Variants in CANX observed in about 807,000 individuals in gnomAD.
CANX encodes epididymis secretory sperm binding protein.
In CANX, 14 loss-of-function variants were observed where a neutral mutation model predicts 75.7. The ratio of observed to expected loss-of-function variants is 0.19; its 90% CI spans 0.12 to 0.29. CANX has a LOEUF of 0.29. Among genes scored for constraint, CANX ranks in the 10% least tolerant of loss-of-function variants. CANX has a pLI of 1.00. For missense variants in CANX, 567 were observed against 713.2 expected, an observed-to-expected ratio of 0.79 and a Z score of 2.34; for synonymous variants, 227 against 236.9, an observed-to-expected ratio of 0.96 and a Z score of 0.38.
chr5:179,716,212 G>A lies in CANX; in HGVS notation c.829G>A (p.Glu277Lys). The A allele has an allele frequency of 1.2e-6, 2 of 1,614,040 alleles. No individual in the cohort carries two copies. The highest frequency in any genetic ancestry group is 1.7e-6 in the Non-Finnish European group (2 of 1,179,892). The change falls in exon 8 of 15, where the codon GAG becomes AAG. Residue 277 changes from glutamate (E) to lysine (K), a missense_variant. By Grantham distance (56) the Glu-to-Lys change is moderately conservative. Transcript: ENST00000247461. Reference protein sequence around the residue: ...TPPVNPSREIEDPEDRKPEDW... With the variant: ...TPPVNPSREIKDPEDRKPEDW... ...TCCTGTAAATCCTTCACGTGAAATT[G>A]AGGACCCAGAAGACCGGAAGCCCGA... is the stretch of plus-strand genomic sequence containing the variant.
At chr5:179,698,193 T>C (rs1776474514), upstream of CANX, among the ~76,000 whole-genome samples, 1 of 152,220 alleles carries the variant, frequency 6.6e-6, no homozygotes, top group Admixed American at 6.5e-5. Context: ...TGGTGGCGTA[T>C]CTTAAATCTT....
chr5:179,679,059 A>G, intron 1 of CANX: 1 of 1,534,860 alleles, frequency 6.5e-7, no homozygotes, highest in Non-Finnish European at 8.7e-7. Flanking sequence ...AAGGGCCGCG[A>G]GATGTGATCG....
At chr5:179,699,228 G>T in intron 1 of CANX, 126 bp downstream of exon 1, 1 of 514,350 alleles carries the variant, frequency 1.9e-6, no homozygotes, top group South Asian at 8.1e-5. Flanking sequence ...TGAGGGCCCA[G>T]GCCCTGGCCG....
chr5:179,714,130 T>G (rs899964940), intron 7 of CANX, among the ~76,000 whole-genome samples: 12 of 151,542 alleles, frequency 7.9e-5, no homozygotes, highest in East Asian at 7.9e-4. Context: ...TCCTGAATAG[T>G]TGGGACTATA....
chr5:179,709,286 C>T (rs1461110700), intron 6 of CANX, among the ~76,000 whole-genome samples: 9 of 152,096 alleles, frequency 5.9e-5, no homozygotes, highest in East Asian at 5.8e-4. Context: ...TGGTGGCAGG[C>T]GCCTGTAGTC....
At position 179,716,264 on chromosome 5, in the gene CANX, C is replaced by T. The variant is rs1377855011; in HGVS notation, c.881C>T (p.Pro294Leu). Residue 294 changes from proline (P) to leucine (L), a missense_variant, in exon 8 of 15, where the codon CCA (proline) becomes CTA (leucine). By Grantham distance (98) the Pro-to-Leu change is moderately conservative. This residue lies in a region of CANX where 351 missense variants were observed against 433.8 expected (regional missense o/e 0.81). Transcript: ENST00000247461. Reference sequence around the variant, plus strand: ...GATTGGGATGAAAGACCAAAAATCCCAGATCCAGAAGCTGTCAAGCCAGAT... The same window carrying T: ...GATTGGGATGAAAGACCAAAAATCCTAGATCCAGAAGCTGTCAAGCCAGAT... Reference protein sequence around the residue: ...PEDWDERPKIPDPEAVKPDDW... With the variant: ...PEDWDERPKILDPEAVKPDDW... 4.3e-6 allele frequency: 7 copies of T among 1,614,096 alleles called. No homozygotes were observed. The highest frequency in any genetic ancestry group is 3.3e-5 in the Admixed American group (2 of 60,006).
chr5:179,705,580 G>A (rs1344349569), intron 1 of CANX, 99 bp from the exon 2 acceptor site: 3 of 862,544 alleles, frequency 3.5e-6, no homozygotes, highest in East Asian at 2.5e-5. Flanking sequence ...TTAGCTCTGC[G>A]ATTTAAAAGC....
At chr5:179,703,414 C>A (rs1776904890) in intron 1 of CANX, among the ~76,000 whole-genome samples, 1 of 151,990 alleles carries the variant, frequency 6.6e-6, no homozygotes, top group African/African-American at 2.4e-5. Flanking sequence ...AACGGAGTTT[C>A]ATCATGTTTC....
At chr5:179,684,942 T>C (rs1370028442) in intron 1 of CANX, among the ~76,000 whole-genome samples, 1 of 139,178 alleles carries the variant, frequency 7.2e-6, no homozygotes, top group African/African-American at 2.7e-5. Flanking sequence ...TTTTTTTTTT[T>C]TTTTTTTTTT....
chr5:179,708,933 C>G, intron 5 of CANX, 45 bp from the exon 6 acceptor site: 1 of 991,588 alleles, frequency 1.0e-6, no homozygotes, highest in Non-Finnish European at 1.6e-6. Context: ...GAGTTTCGAT[C>G]TTTCAAAATG....
rs565525960 is a variant in CANX at position 179,705,962 on chromosome 5, G to A, written c.171+110G>A. On this transcript the variant is annotated intron_variant, in intron 2 of 14. Coordinates refer to ENST00000247461, the MANE Select transcript of CANX (RefSeq NM_001746.4). ...TCAACTACTCAGGAGGCCTAGGACAGGAGTGTGAGTCCAGCCTTGGCAACA... is the reference window on the plus strand; with the variant it reads ...TCAACTACTCAGGAGGCCTAGGACAAGAGTGTGAGTCCAGCCTTGGCAACA... 3.0e-4 allele frequency: 241 copies of A among 803,746 alleles called. No homozygotes were observed. In the African/African-American group the frequency reaches 3.7e-3, roughly 12 times the overall value. The allele number at this position is 803,746 out of a possible 1,614,324, so 49.8% of individuals were successfully genotyped here.
At chr5:179,690,629 C>T (rs1235578828) in intron 1 of CANX, among the ~76,000 whole-genome samples, 1 of 148,854 alleles carries the variant, frequency 6.7e-6, no homozygotes, top group Non-Finnish European at 1.5e-5. Context: ...CAGTGGCTCA[C>T]GCCTGTAATC....
intron 1 of CANX, chr5:179,680,933 G>T: frequency 6.5e-7 from 1 of 1,535,750 alleles, no homozygotes; most frequent in Non-Finnish European, 8.7e-7. Context: ...GCCCACCCTT[G>T]AGATTGTATC....
intron 1 of CANX, chr5:179,679,384 T>A: frequency 1.2e-6 from 1 of 869,138 alleles, no homozygotes; most frequent in Non-Finnish European, 1.7e-6. Flanking sequence ...CACCAGCTGC[T>A]GGCCACCGAG....
rs1562518010 is a variant in CANX at position 179,724,847 on chromosome 5, C to T, written c.1645+64C>T. 4 of 1,533,820 alleles carry T rather than the reference C, an allele frequency of 2.6e-6. No homozygotes were observed. The South Asian group carries it at 3.6e-5, about 14-fold the overall frequency. On this transcript the variant is annotated intron_variant, in intron 13 of 14. Coordinates refer to ENST00000247461, the MANE Select transcript of CANX (RefSeq NM_001746.4). ...ACCCTACGATGTTGTTAAACCTTTA[C>T]AGTCAAGTTAAGGATTGTTTTTAGC...
intron 8 of CANX, among the ~76,000 whole-genome samples, chr5:179,716,864 A>C (rs1444755729): frequency 6.6e-6 from 1 of 152,200 alleles, no homozygotes; most frequent in African/African-American, 2.4e-5. Context: ...GGAGCAAGGC[A>C]AATCAGATTG....
At position 179,710,062 on chromosome 5, in the gene CANX, C is replaced by G; in HGVS notation, c.718C>G (p.Leu240Val). Residue 240 changes from leucine to valine, a missense_variant, in exon 7 of 15, where the codon CTA becomes GTA. By Grantham distance (32) the Leu-to-Val change is conservative. Coordinates refer to ENST00000247461, the MANE Select transcript of CANX (RefSeq NM_001746.4). ...TGATAAGAAAACACATCTTTACACA[C>G]TAAGTAAGAAAAAGCATTAGTTTGG... ...FTDKKTHLYT[L>V]ILNPDNSFEI... is the part of the protein sequence containing the mutation. 1 of 1,555,198 alleles carries G rather than the reference C, an allele frequency of 6.4e-7. No individual in the cohort carries two copies. Among genetic ancestry groups the G allele is most frequent in the Non-Finnish European group, 8.8e-7 (1 of 1,135,526 alleles).
chr5:179,710,066 G>T lies in CANX; in HGVS notation c.721+1G>T, dbSNP rs1777427999. ...AAGAAAACACATCTTTACACACTAA[G>T]TAAGAAAAAGCATTAGTTTGGGGGC... On this transcript the variant is annotated splice_donor_variant, in intron 7 of 14. Transcript: ENST00000247461. LOFTEE classifies it high-confidence loss of function. 6.5e-7 allele frequency: 1 copy of T among 1,534,878 alleles called. No individual in the cohort carries two copies. The highest frequency in any genetic ancestry group is 1.8e-5 in the Admixed American group (1 of 54,658).
chr5:179,709,099 C>G (rs762819096), intron 6 of CANX, 40 bp downstream of exon 6: 2 of 1,172,582 alleles, frequency 1.7e-6, no homozygotes, highest in Non-Finnish European at 2.6e-6. Context: ...TGGACACCCA[C>G]TATTACCTTG....
Sources: gnomAD v4.1 joint callset for allele counts (sites outside exome capture counted in the v4.1 genomes callset) on GRCh38, gnomAD v4.1.1 for gene constraint, gnomAD v4.1.1 regional missense constraint, MANE v1.5 for transcripts, NCBI Gene and HGNC (gene_info 2026-07-23, HGNC 2026-07-21) for gene names.